LONP2: variants seen among roughly 807,000 people sequenced by gnomAD.
LONP2 encodes lon protease homolog 2, peroxisomal.
Under a neutral mutation model 85.6 loss-of-function variants are expected in LONP2, and 60 were observed. That is an observed-to-expected ratio of 0.70 (90% CI 0.57 to 0.87). The LOEUF is 0.87. Ranked by LOEUF, LONP2 falls within the 40% of genes least tolerant of loss-of-function variation. The probability of loss-of-function intolerance (pLI) is 0.00; values close to 1 mark genes in which losing one functional copy is unlikely to be tolerated. For synonymous variants in LONP2, 395 were observed against 389.7 expected, an observed-to-expected ratio of 1.01 and a Z score of -0.16; for missense variants, 860 against 1,063.5, an observed-to-expected ratio of 0.81 and a Z score of 2.66.
In LONP2 at chr16:48,274,110, A is replaced by T. The variant is rs893583488; in HGVS notation, c.1242-3228A>T. On this transcript the variant is annotated intron_variant, in intron 7 of 14. Coordinates refer to ENST00000285737, the MANE Select transcript of LONP2 (RefSeq NM_031490.5). ...ATCCTTTCAACTTACATTTGCATGTAGCTCTTCTTTGCCTCTCCAAAACTT... is the reference window on the plus strand; with the variant it reads ...ATCCTTTCAACTTACATTTGCATGTTGCTCTTCTTTGCCTCTCCAAAACTT... Among the ~76,000 whole-genome samples, 4 of 152,172 alleles carry T rather than the reference A, an allele frequency of 2.6e-5. No homozygotes were observed. In the East Asian group the frequency reaches 7.7e-4, roughly 29 times the overall value.
At chr16:48,323,764 A>G (rs1169814279) in intron 11 of LONP2, among the ~76,000 whole-genome samples, 2 of 152,218 alleles carry the variant, frequency 1.3e-5, no homozygotes, top group East Asian at 3.8e-4. Context: ...AACTTGAAAG[A>G]AAATGTATTT....
chr16:48,245,960 TC>T (rs1971358305), intron 1 of LONP2, among the ~76,000 whole-genome samples: 1 of 152,194 alleles, frequency 6.6e-6, no homozygotes. Context: ...CTGGCAGTTA[TC>T]CCTTATTTTT....
At chr16:48,271,437 T>C (rs2150977906) in intron 7 of LONP2, among the ~76,000 whole-genome samples, 1 of 152,356 alleles carries the variant, frequency 6.6e-6, no homozygotes, top group South Asian at 2.1e-4. Flanking sequence ...AAGAATATGA[T>C]GCTTTTTTAA....
chr16:48,283,511 GA>G (rs1972373979), intron 8 of LONP2, among the ~76,000 whole-genome samples: 1 of 152,134 alleles, frequency 6.6e-6, no homozygotes, highest in Admixed American at 6.5e-5. Context: ...CCTTAAGAAT[GA>G]TGCAAAATCT....
intron 12 of LONP2, among the ~76,000 whole-genome samples, chr16:48,346,510 G>C (rs928519243): frequency 1.3e-5 from 2 of 152,160 alleles, no homozygotes; most frequent in Non-Finnish European, 2.9e-5. Flanking sequence ...AAGGAACCCA[G>C]GATGTTTATT....
chr16:48,359,521 T>C (rs535423721), downstream of LONP2, among the ~76,000 whole-genome samples: 2 of 152,186 alleles, frequency 1.3e-5, no homozygotes, highest in African/African-American at 4.8e-5. Context: ...ATTGAGAACA[T>C]CTTGGCCAAC....
intron 7 of LONP2, among the ~76,000 whole-genome samples, chr16:48,272,150 C>T (rs1972118745): frequency 6.6e-6 from 1 of 152,160 alleles, no homozygotes; most frequent in African/African-American, 2.4e-5. Context: ...ACACAGTGAG[C>T]ATTCACTAAA....
At chr16:48,347,406 C>T (rs1597004069) in intron 12 of LONP2, 101 bp from the exon 13 acceptor site, 3 of 1,107,922 alleles carry the variant, frequency 2.7e-6, no homozygotes, top group East Asian at 2.4e-5. Flanking sequence ...AGGTAAGTGG[C>T]TGAAGTCTTC....
At position 48,352,910 on chromosome 16, in the gene LONP2, C is replaced by T. The variant is rs1895760839; in HGVS notation, c.*1108C>T. ...TATTTCTTGCTTGGCTACGCCAGTT[C>T]CCAAATCTGGTAGATGTCCATGCCC... On this transcript the variant is annotated 3_prime_UTR_variant, in exon 15 of 15. Transcript: ENST00000285737. 1 of 152,266 alleles carries T rather than the reference C, an allele frequency of 6.6e-6. No homozygotes were observed. Among genetic ancestry groups the T allele is most frequent in the Non-Finnish European group, 1.5e-5 (1 of 68,070 alleles). 9.4% of individuals were successfully genotyped at this position (152,266 alleles called of 1,614,324 possible). A position where few individuals can be genotyped will look rare whatever the true frequency, so the allele number is the denominator to read the frequency against.
rs574426429 is a variant in LONP2, at chr16:48,266,164, C to T, written c.982+3292C>T. Among the ~76,000 whole-genome samples, 7 of 152,014 alleles carry T rather than the reference C, an allele frequency of 4.6e-5. No individual in the cohort carries two copies. In the East Asian group the frequency reaches 7.7e-4, roughly 17 times the overall value. Reference sequence around the variant, plus strand: ...AAATACAGGCACCTGCCATGACACCCGGCTAATTTTTTGTATTTTTAGCAG... The same window carrying T: ...AAATACAGGCACCTGCCATGACACCTGGCTAATTTTTTGTATTTTTAGCAG... On this transcript the variant is annotated intron_variant, in intron 6 of 14. Transcript: ENST00000285737.
At chr16:48,338,312 C>G (rs1281790986) in intron 12 of LONP2, among the ~76,000 whole-genome samples, 1 of 152,132 alleles carries the variant, frequency 6.6e-6, no homozygotes, top group Non-Finnish European at 1.5e-5. Flanking sequence ...AAACAATAGA[C>G]AAGTAAACAA....
At chr16:48,335,256 G>A (rs993761114) in intron 12 of LONP2, among the ~76,000 whole-genome samples, 4 of 152,222 alleles carry the variant, frequency 2.6e-5, no homozygotes, top group African/African-American at 9.7e-5. Context: ...CTGAAAACAT[G>A]AGCATAGCTT....
At chr16:48,344,380 T>C (rs1567352331) in intron 12 of LONP2, 1 of 152,230 alleles carries the variant, frequency 6.6e-6, no homozygotes, top group South Asian at 2.1e-4. Flanking sequence ...ACTGTGTATA[T>C]AGATGTTAAG....
chr16:48,252,111 A>T lies in LONP2; in HGVS notation c.234-20A>T. The T allele has an allele frequency of 6.5e-7, 1 of 1,532,158 alleles. No homozygotes were observed. The allele number at this position is 1,532,158 out of a possible 1,614,324, so 94.9% of individuals were successfully genotyped here. On this transcript the variant is annotated intron_variant, in intron 1 of 14. Transcript: ENST00000285737. ...ACCGTATTGAATGTTTGTAATACCG[A>T]TGTTTTGTGTGTTTTTCAGGATTGG...
intron 8 of LONP2, among the ~76,000 whole-genome samples, chr16:48,295,404 TATA>T (rs745964148): frequency 5.4e-4 from 82 of 152,338 alleles, no homozygotes; most frequent in Admixed American, 3.4e-3. Flanking sequence ...TTTTGCTTAT[TATA>T]AGCAGCAATG....
At chr16:48,262,392 A>G (rs1365035237) in intron 5 of LONP2, among the ~76,000 whole-genome samples, 1 of 152,210 alleles carries the variant, frequency 6.6e-6, no homozygotes, top group Non-Finnish European at 1.5e-5. Context: ...GACACACACT[A>G]GTAAGGCCAT....
intron 7 of LONP2, among the ~76,000 whole-genome samples, chr16:48,271,677 T>C (rs1455543140): frequency 6.6e-6 from 1 of 151,654 alleles, no homozygotes; most frequent in Non-Finnish European, 1.5e-5. Context: ...AGCTCAGGAG[T>C]TCAAGAACAG....
At chr16:48,323,526 C>T (rs1274473980) in intron 11 of LONP2, among the ~76,000 whole-genome samples, 1 of 151,978 alleles carries the variant, frequency 6.6e-6, no homozygotes, top group Non-Finnish European at 1.5e-5. Context: ...TGTGGTGGTG[C>T]ACACGCCTGT....
chr16:48,256,005 A>G (rs1172765313), intron 2 of LONP2, among the ~76,000 whole-genome samples: 1 of 152,190 alleles, frequency 6.6e-6, no homozygotes, highest in Non-Finnish European at 1.5e-5. Context: ...TAATAGCATC[A>G]ACTATGCTAA....
Sources: gnomAD v4.1 joint callset for allele counts (sites outside exome capture counted in the v4.1 genomes callset) on GRCh38, gnomAD v4.1.1 for gene constraint, MANE v1.5 for transcripts, NCBI Gene and HGNC (gene_info 2026-07-23, HGNC 2026-07-21) for gene names.